RNF121: variants seen among roughly 807,000 people sequenced by gnomAD.
RNF121 encodes the protein ring finger protein 121, also known as E3 ubiquitin ligase RNF121.
Under a neutral mutation model 46.5 loss-of-function variants are expected in RNF121, and 21 were observed. That is an observed-to-expected ratio of 0.45 (90% CI 0.32 to 0.65). The LOEUF is 0.65. Among genes scored for constraint, RNF121 ranks in the 30% least tolerant of loss-of-function variants. The probability of loss-of-function intolerance (pLI) is 0.04; values close to 1 mark genes in which losing one functional copy is unlikely to be tolerated. For missense variants in RNF121, 346 were observed against 416.0 expected (o/e 0.83, Z 1.46); for synonymous variants, 139 against 144.7 (o/e 0.96, Z 0.28).
chr11:71,957,895 A>C (rs115364895), intron 2 of RNF121, among the ~76,000 whole-genome samples: 4,079 of 152,290 alleles, frequency 0.027, 186 homozygotes, highest in African/African-American at 0.093. Context: ...CAATGAGGTG[A>C]TATCAACCTT....
chr11:71,979,774 A>C (rs902999872), intron 3 of RNF121, among the ~76,000 whole-genome samples: 1 of 152,198 alleles, frequency 6.6e-6, no homozygotes, highest in African/African-American at 2.4e-5. Flanking sequence ...TGGTTGTTTT[A>C]ATGCAACAGC....
At chr11:71,958,211 G>A (rs183358076) in intron 2 of RNF121, among the ~76,000 whole-genome samples, 1 of 152,334 alleles carries the variant, frequency 6.6e-6, no homozygotes, top group Admixed American at 6.5e-5. Context: ...ACTGGATCAT[G>A]TGTAGAAGAA....
At chr11:71,980,629 G>A (rs919192836) in intron 3 of RNF121, among the ~76,000 whole-genome samples, 2 of 152,174 alleles carry the variant, frequency 1.3e-5, no homozygotes, top group Non-Finnish European at 2.9e-5. Flanking sequence ...TTACAGGTGT[G>A]AGTCACCACG....
chr11:71,983,109 T>C (rs940746947), intron 4 of RNF121, 194 bp downstream of exon 4: 2 of 421,266 alleles, frequency 4.7e-6, no homozygotes, highest in Admixed American at 8.7e-5. Flanking sequence ...CAAATATTTC[T>C]GTATAGCTTA....
chr11:71,941,620 A>AGGC (rs1953571012), intron 1 of RNF121, among the ~76,000 whole-genome samples: 1 of 152,244 alleles, frequency 6.6e-6, no homozygotes, highest in Non-Finnish European at 1.5e-5. Flanking sequence ...TAGAAGAGAA[A>AGGC]GGCTACTTTA....
At chr11:71,933,643 A>T (rs1301880186) in intron 1 of RNF121, among the ~76,000 whole-genome samples, 1 of 152,170 alleles carries the variant, frequency 6.6e-6, no homozygotes, top group East Asian at 1.9e-4. Flanking sequence ...ACCCCACTTC[A>T]TGTTCCCTCA....
chr11:71,929,248 G>A (rs1188525840), intron 1 of RNF121, 124 bp downstream of exon 1: 2 of 1,434,164 alleles, frequency 1.4e-6, no homozygotes, highest in African/African-American at 1.4e-5. Flanking sequence ...AGCTGACTAG[G>A]GGGCGGGTGC....
intron 1 of RNF121, among the ~76,000 whole-genome samples, chr11:71,933,377 C>G (rs1953322621): frequency 1.3e-5 from 2 of 152,154 alleles, no homozygotes; most frequent in African/African-American, 2.4e-5. Flanking sequence ...CAGCCTGCAG[C>G]TAACTTGAGG....
chr11:71,953,124 C>T (rs1367266159), intron 1 of RNF121, among the ~76,000 whole-genome samples: 1 of 152,216 alleles, frequency 6.6e-6, no homozygotes, highest in African/African-American at 2.4e-5. Context: ...GCCTCAAACT[C>T]CTGGGCTTAA....
intron 3 of RNF121, among the ~76,000 whole-genome samples, chr11:71,976,529 T>C (rs1954530693): frequency 6.6e-6 from 1 of 151,980 alleles, no homozygotes; most frequent in Non-Finnish European, 1.5e-5. Context: ...CTAATTTTTG[T>C]ATTTTTAGTA....
At chr11:71,974,072 G>A (rs1435514425) in intron 3 of RNF121, among the ~76,000 whole-genome samples, 1 of 152,012 alleles carries the variant, frequency 6.6e-6, no homozygotes, top group East Asian at 2.0e-4. Flanking sequence ...CTCCTGAGTA[G>A]CTGGGACTAC....
intron 4 of RNF121, among the ~76,000 whole-genome samples, chr11:71,985,940 A>G (rs1954762820): frequency 6.6e-6 from 1 of 151,922 alleles, no homozygotes; most frequent in Admixed American, 6.6e-5. Flanking sequence ...CCAAAAAAAA[A>G]CAAAAAAAAA....
intron 1 of RNF121, among the ~76,000 whole-genome samples, chr11:71,946,647 GTTT>G (rs547977600): frequency 3.7e-5 from 5 of 136,334 alleles, no homozygotes; most frequent in Admixed American, 7.4e-5. Context: ...TGAGCATGAG[GTTT>G]TTTTTTTTTT....
At chr11:71,967,173 T>TA (rs1329719493) in intron 3 of RNF121, among the ~76,000 whole-genome samples, 10 of 151,118 alleles carry the variant, frequency 6.6e-5, no homozygotes, top group Admixed American at 1.3e-4. Context: ...GCCCGGCCAA[T>TA]ATTTGTGTTT....
chr11:71,984,184 T>C (rs1169190772), intron 4 of RNF121, among the ~76,000 whole-genome samples: 2 of 152,356 alleles, frequency 1.3e-5, no homozygotes, highest in East Asian at 3.9e-4. Context: ...AATAGAACAA[T>C]GTAAGAGTCA....
chr11:71,985,941 CA>C (rs201859304), intron 4 of RNF121, among the ~76,000 whole-genome samples: 2 of 148,848 alleles, frequency 1.3e-5, no homozygotes, highest in East Asian at 4.0e-4. Flanking sequence ...CAAAAAAAAA[CA>C]AAAAAAAAGG....
intron 1 of RNF121, among the ~76,000 whole-genome samples, chr11:71,955,170 G>A (rs909307530): frequency 1.3e-5 from 2 of 152,194 alleles, no homozygotes; most frequent in South Asian, 4.1e-4. Flanking sequence ...AGGTACCTGA[G>A]AGTGAGTGCT....
At chr11:71,983,903 C>T (rs1954713155) in intron 4 of RNF121, 1 of 152,286 alleles carries the variant, frequency 6.6e-6, no homozygotes, top group Non-Finnish European at 1.5e-5. Context: ...GTTCTACTTT[C>T]CTGCAAGCCT....
chr11:71,929,668 A>G (rs1044772607), intron 1 of RNF121, among the ~76,000 whole-genome samples: 2 of 152,214 alleles, frequency 1.3e-5, no homozygotes, highest in African/African-American at 4.8e-5. Flanking sequence ...TGGCCAACGA[A>G]TGAAGGAACA....
Sources: gnomAD v4.1 joint callset for allele counts (sites outside exome capture counted in the v4.1 genomes callset) on GRCh38, gnomAD v4.1.1 for gene constraint, MANE v1.5 for transcripts, NCBI Gene and HGNC (gene_info 2026-07-23, HGNC 2026-07-21) for gene names.